The following ELN variants were observed in gnomAD, a reference collection of about 807,000 sequenced individuals.
The protein encoded by ELN is elastin.
A neutral mutation model predicts 105.8 loss-of-function variants in ELN; 65 were observed. That is an observed-to-expected ratio of 0.61 (90% CI 0.50 to 0.75). The LOEUF is 0.75. Among genes scored for constraint, ELN ranks in the 30% least tolerant of loss-of-function variants. The pLI is 0.00. For synonymous variants in ELN, 368 were observed against 389.2 expected (o/e 0.95, Z 0.64); for missense variants, 882 against 969.4 (o/e 0.91, Z 1.20).
At chr7:74,064,421 AAAATATAT>A (rs1323957872) in intron 29 of ELN, among the ~76,000 whole-genome samples, 8 of 115,314 alleles carry the variant, frequency 6.9e-5, no homozygotes, top group African/African-American at 2.3e-4. Flanking sequence ...TCTCAAAAAA[AAAATATAT>A]ATATATATAT....
chr7:74,052,176 C>G (rs1794201628), intron 17 of ELN, 193 bp downstream of exon 17: 1 of 666,658 alleles, frequency 1.5e-6, no homozygotes, highest in Non-Finnish European at 2.5e-6. Context: ...ATTAACTCAG[C>G]AGAGGGAGGG....
At chr7:74,047,753 C>G in intron 13 of ELN, 37 bp downstream of exon 13, 1 of 1,613,882 alleles carries the variant, frequency 6.2e-7, no homozygotes, top group Non-Finnish European at 8.5e-7. Context: ...GCTTCCAGCT[C>G]TTTCCCTCTC....
In ELN at chr7:74,045,213, C is replaced by T. The variant is rs1554671309; in HGVS notation, c.470-9C>T. ...GCCTTCCTACACTCACTGCTTTGTCCCCCGGCAGGAGCTCGGTTCCCCGGT... is the reference window on the plus strand; with the variant it reads ...GCCTTCCTACACTCACTGCTTTGTCTCCCGGCAGGAGCTCGGTTCCCCGGT... On this transcript the variant is annotated splice_polypyrimidine_tract_variant and intron_variant, in intron 9 of 32. Coordinates refer to ENST00000252034, the MANE Select transcript of ELN (RefSeq NM_000501.4). 2 of 1,613,998 alleles carry T rather than the reference C, an allele frequency of 1.2e-6. No individual in the cohort carries two copies. Among genetic ancestry groups the T allele is most frequent in the East Asian group, 2.2e-5 (1 of 44,884 alleles).
Position 74,063,019 on chromosome 7 carries a change from G to T in ELN, c.1787-134G>T, listed in dbSNP as rs1158824228. The T allele has an allele frequency of 1.3e-5, 15 of 1,140,106 alleles. No individual in the cohort carries two copies. Among genetic ancestry groups the T allele is most frequent in the Admixed American group, 9.6e-5 (4 of 41,736 alleles). The allele number at this position is 1,140,106 out of a possible 1,614,324, so 70.6% of individuals were successfully genotyped here. ...CCATCTCAAAATGAAACAAAATATGGACTGGACTTCCTGTCCACTGCTCCT... is the reference window on the plus strand; with the variant it reads ...CCATCTCAAAATGAAACAAAATATGTACTGGACTTCCTGTCCACTGCTCCT... On this transcript the variant is annotated intron_variant, in intron 26 of 32. Transcript: ENST00000252034. The surrounding 1 kb of genome is among the most constrained non-coding windows in gnomAD (Gnocchi z 4.1).
At chr7:74,044,076 G>A (rs1272718021) in intron 9 of ELN, among the ~76,000 whole-genome samples, 156 bp downstream of exon 9, 7 of 151,906 alleles carry the variant, frequency 4.6e-5, no homozygotes, top group Non-Finnish European at 1.0e-4. Flanking sequence ...TAAGGCCCTC[G>A]TCTCTACAAA....
chr7:74,065,293 G>C, intron 29 of ELN, among the ~76,000 whole-genome samples: 1 of 151,842 alleles, frequency 6.6e-6, no homozygotes, highest in South Asian at 2.1e-4. Flanking sequence ...TGAGTCCATG[G>C]GCAGACGGTA....
At position 74,048,557 on chromosome 7, in the gene ELN, G is replaced by C; in HGVS notation, c.799+1G>C. 6.2e-7 allele frequency: 1 copy of C among 1,613,810 alleles called. No individual in the cohort carries two copies. On this transcript the variant is annotated splice_donor_variant, in intron 15 of 32. Coordinates refer to ENST00000252034, the MANE Select transcript of ELN (RefSeq NM_000501.4). LOFTEE classifies it high-confidence loss of function. Reference sequence around the variant, plus strand: ...GCAGCTAAAGCAGCAGCAAAGTTCGGTGAGTGCCCCTGGAGTCCCCACCTG... The same window carrying C: ...GCAGCTAAAGCAGCAGCAAAGTTCGCTGAGTGCCCCTGGAGTCCCCACCTG...
At chr7:74,045,641 G>A in intron 10 of ELN, 1 of 376,832 alleles carries the variant, frequency 2.7e-6, no homozygotes, top group Non-Finnish European at 5.1e-6. Context: ...TATTCAGGAG[G>A]CTAAGACAGG....
intron 22 of ELN, among the ~76,000 whole-genome samples, chr7:74,058,473 G>GC (rs1343758674): frequency 6.6e-6 from 1 of 151,702 alleles, no homozygotes; most frequent in Non-Finnish European, 1.5e-5. Context: ...GCCTGCTTCC[G>GC]CCCCCCAAGA....
chr7:74,036,361 C>G (rs111453495), intron 2 of ELN, among the ~76,000 whole-genome samples, 194 bp from the exon 3 acceptor site: 1 of 151,964 alleles, frequency 6.6e-6, no homozygotes, highest in African/African-American at 2.4e-5. Context: ...GGGAGAGACG[C>G]CAGCACTCCC....
At chr7:74,065,665 C>G in intron 29 of ELN, 29 bp from the exon 30 acceptor site, 1 of 1,613,276 alleles carries the variant, frequency 6.2e-7, no homozygotes, top group Non-Finnish European at 8.5e-7. Flanking sequence ...ATTGGCATTC[C>G]TGAGCCGTCA....
intron 14 of ELN, 139 bp downstream of exon 14, chr7:74,048,340 C>T: frequency 4.0e-6 from 6 of 1,506,596 alleles, no homozygotes; most frequent in South Asian, 1.1e-5. Context: ...GGAGCAGGAT[C>T]CTGGGGGAGG....
intron 17 of ELN, chr7:74,052,906 A>G: frequency 1.8e-6 from 1 of 554,692 alleles, no homozygotes; most frequent in Non-Finnish European, 3.2e-6. Context: ...AGAAAGAAAG[A>G]GAAAGGAAGG....
rs574147328 is a variant in ELN at position 74,045,141 on chromosome 7, G to A, written c.470-81G>A. On this transcript the variant is annotated intron_variant, in intron 9 of 32. Coordinates refer to ENST00000252034, the MANE Select transcript of ELN (RefSeq NM_000501.4). ...CAGTCAGTCCCAAGGGAGGTCAGCTGGGGGACCCGAGGAGGGGAGGGGTTC... is the reference window on the plus strand; with the variant it reads ...CAGTCAGTCCCAAGGGAGGTCAGCTAGGGGACCCGAGGAGGGGAGGGGTTC... 4.7e-4 allele frequency: 724 copies of A among 1,538,844 alleles called. 7 individuals are homozygous for A. In the South Asian group the frequency reaches 7.7e-3, roughly 16 times the overall value.
Position 74,063,474 on chromosome 7 carries a change from C to T in ELN, c.1918+105C>T. On this transcript the variant is annotated intron_variant, in intron 28 of 32. Transcript: ENST00000252034. The surrounding 1 kb of genome is among the most constrained non-coding windows in gnomAD (Gnocchi z 4.1). The stretch of plus-strand genomic sequence containing the variant: ...GTAGACTCAGAGTCCCTGCCCCAGA[C>T]ACCTCCTGGCTCCACTGTGCCATCG... 6.3e-7 allele frequency: 1 copy of T among 1,597,014 alleles called. No homozygotes were observed. Among genetic ancestry groups the T allele is most frequent in the South Asian group, 1.1e-5 (1 of 89,764 alleles).
Position 74,060,156 on chromosome 7 carries a change from T to G in ELN, c.1593T>G (p.Ala531=). 6.2e-7 allele frequency: 1 copy of G among 1,614,118 alleles called. No homozygotes were observed. The highest frequency in any genetic ancestry group is 2.2e-5 in the East Asian group (1 of 44,884). The change falls in exon 24 of 33, where the codon GCT becomes GCG. Residue 531 remains alanine (A), a synonymous_variant. Transcript: ENST00000252034. ...PGGVAAAAKS[A]AKVAAKAQLR... The stretch of plus-strand genomic sequence containing the variant: ...CTCCCTCAGCTGCAGCAAAATCCGC[T>G]GCCAAGGTGGCTGCCAAAGCCCAGC...
Position 74,063,153 on chromosome 7 carries a change from G to T in ELN, c.1787G>T (p.Gly596Val). 1 of 1,605,664 alleles carries T rather than the reference G, an allele frequency of 6.2e-7. No individual in the cohort carries two copies. ...CTCATTTTCCCTCCTCTCCCCGCAG[G>T]AGCAGCAGTGCCTGGGGTCCTTGGA... ...ALAAAKAAKY[G>V]AAVPGVLGGL... is the part of the protein sequence containing the mutation. Residue 596 changes from glycine (G) to valine (V), a missense_variant and splice_region_variant, in exon 27 of 33, where the codon GGA becomes GTA. Physicochemically the swap from Gly to Val is moderately radical, Grantham distance 109. Transcript: ENST00000252034. The surrounding 1 kb of genome is among the most constrained non-coding windows in gnomAD (Gnocchi z 4.1).
chr7:74,063,480 C>T lies in ELN; in HGVS notation c.1918+111C>T, dbSNP rs1797180286. Reference sequence around the variant, plus strand: ...TCAGAGTCCCTGCCCCAGACACCTCCTGGCTCCACTGTGCCATCGAAGGCC... The same window carrying T: ...TCAGAGTCCCTGCCCCAGACACCTCTTGGCTCCACTGTGCCATCGAAGGCC... On this transcript the variant is annotated intron_variant, in intron 28 of 32. Transcript: ENST00000252034. This position sits in a 1 kb window ranked among gnomAD's most constrained non-coding sequence, Gnocchi z 4.1. The T allele has an allele frequency of 1.9e-6, 3 of 1,601,822 alleles. No individual in the cohort carries two copies. Among genetic ancestry groups the T allele is most frequent in the Non-Finnish European group, 2.6e-6 (3 of 1,175,710 alleles).
chr7:74,059,885 G>T lies in ELN; in HGVS notation c.1415-1G>T, dbSNP rs782217903. The T allele has an allele frequency of 8.3e-7, 1 of 1,203,230 alleles. No homozygotes were observed. The allele number at this position is 1,203,230 out of a possible 1,614,324, so 74.5% of individuals were successfully genotyped here. On this transcript the variant is annotated splice_acceptor_variant, in intron 22 of 32. Transcript: ENST00000252034. LOFTEE classifies it high-confidence loss of function. ...ATGATCAGCTCTTCTCAATCTTGCA[G>T]GGTTAGTTCCTGGTGTCGGCGTGGC... is the stretch of plus-strand genomic sequence containing the variant.
Sources: gnomAD v4.1 joint callset for allele counts (sites outside exome capture counted in the v4.1 genomes callset) on GRCh38, gnomAD v4.1.1 for gene constraint, Gnocchi (gnomAD v3.1) non-coding constraint, MANE v1.5 for transcripts, NCBI Gene and HGNC (gene_info 2026-07-23, HGNC 2026-07-21) for gene names.